The following BRIP1 variants were observed in gnomAD, a reference collection of about 807,000 sequenced individuals.
BRIP1 encodes BRCA1 interacting DNA helicase 1.
In BRIP1, 88 loss-of-function variants were observed where a neutral mutation model predicts 119.7. That is an observed-to-expected ratio of 0.74 (90% CI 0.62 to 0.88). BRIP1 has a LOEUF of 0.88. Among genes scored for constraint, BRIP1 ranks in the 40% least tolerant of loss-of-function variants. The probability of loss-of-function intolerance (pLI) is 0.00; values close to 1 mark genes in which losing one functional copy is unlikely to be tolerated. For missense variants in BRIP1, 1,259 were observed against 1,455.4 expected, an observed-to-expected ratio of 0.87 and a Z score of 2.20; for synonymous variants, 443 against 496.5, an observed-to-expected ratio of 0.89 and a Z score of 1.43.
rs2145265330 is a variant in BRIP1, at chr17:61,795,781, T to C, written c.1341-2052A>G. On this transcript the variant is annotated intron_variant, in intron 9 of 19. Coordinates refer to ENST00000259008, the MANE Select transcript of BRIP1 (RefSeq NM_032043.3). The surrounding 1 kb of genome is among the most constrained non-coding windows in gnomAD (Gnocchi z 5.6). ...TTTGGGTATATATCTAGCAGTGGGATTGCTGGATCGTTTGGTAGCTCTATT... is the reference window on the plus strand; with the variant it reads ...TTTGGGTATATATCTAGCAGTGGGACTGCTGGATCGTTTGGTAGCTCTATT... 6.6e-6 allele frequency among the ~76,000 whole-genome samples: 1 copy of C among 152,272 alleles called. No homozygotes were observed. Among genetic ancestry groups the C allele is most frequent in the East Asian group, 1.9e-4 (1 of 5,188 alleles).
At position 61,846,982 on chromosome 17, in the gene BRIP1, C is replaced by T; in HGVS notation, c.627+119G>A. On this transcript the variant is annotated intron_variant, in intron 6 of 19. Coordinates refer to ENST00000259008, the MANE Select transcript of BRIP1 (RefSeq NM_032043.3). This position sits in a 1 kb window ranked among gnomAD's most constrained non-coding sequence, Gnocchi z 4.3. ...AACAGAGATGTGACAGCATTGAGGA[C>T]TTCTGAGTGGGTTGCTACTGTCCTT... is the stretch of plus-strand genomic sequence containing the variant. The T allele has an allele frequency of 2.4e-6, 3 of 1,248,790 alleles. No homozygotes were observed. The highest frequency in any genetic ancestry group is 3.4e-6 in the Non-Finnish European group (3 of 873,596). The allele number at this position is 1,248,790 out of a possible 1,614,324, so 77.4% of individuals were successfully genotyped here.
intron 6 of BRIP1, among the ~76,000 whole-genome samples, chr17:61,840,184 C>T (rs561449805): frequency 6.0e-4 from 91 of 152,044 alleles, no homozygotes; most frequent in Admixed American, 1.0e-3. Context: ...CATGGTGAAG[C>T]CTCATCTTTA....
intron 17 of BRIP1, among the ~76,000 whole-genome samples, chr17:61,694,164 A>G (rs2061490547): frequency 6.6e-6 from 1 of 152,162 alleles, no homozygotes; most frequent in Admixed American, 6.5e-5. Flanking sequence ...ACAAGGCTGT[A>G]TAACCTATAC....
At chr17:61,790,396 A>G (rs1428937190) in intron 10 of BRIP1, among the ~76,000 whole-genome samples, 3 of 151,948 alleles carry the variant, frequency 2.0e-5, no homozygotes, top group Non-Finnish European at 2.9e-5. Flanking sequence ...AATACAAAAA[A>G]TTAGCCAGGT....
chr17:61,739,915 A>G lies in BRIP1; in HGVS notation c.2379+3098T>C, dbSNP rs116977795. 5.0e-3 allele frequency among the ~76,000 whole-genome samples: 768 copies of G among 152,326 alleles called. 4 individuals carry two copies. The highest frequency in any genetic ancestry group is 0.01 in the Middle Eastern group (3 of 294). ...TATATTGTTTAGGAAACAGTCAGTGATAATGAGATACAACTGTTTCTGGCC... is the reference window on the plus strand; with the variant it reads ...TATATTGTTTAGGAAACAGTCAGTGGTAATGAGATACAACTGTTTCTGGCC... On this transcript the variant is annotated intron_variant, in intron 16 of 19. Transcript: ENST00000259008. The surrounding 1 kb of genome is among the most constrained non-coding windows in gnomAD (Gnocchi z 6.0).
intron 18 of BRIP1, among the ~76,000 whole-genome samples, chr17:61,692,272 A>C (rs1385793641): frequency 6.6e-6 from 1 of 152,264 alleles, no homozygotes; most frequent in East Asian, 1.9e-4. Flanking sequence ...ATATGACACC[A>C]AAAACACAGG....
At position 61,720,544 on chromosome 17, in the gene BRIP1, T is replaced by C. The variant is rs1283117229; in HGVS notation, c.2380-4481A>G. 6.6e-6 allele frequency among the ~76,000 whole-genome samples: 1 copy of C among 152,172 alleles called. No individual in the cohort carries two copies. The highest frequency in any genetic ancestry group is 1.5e-5 in the Non-Finnish European group (1 of 68,036). ...GGTCCAAAAATATTAAATAAAAAAT[T>C]CCAGAAATAATTTATGTTTTAAATT... On this transcript the variant is annotated intron_variant, in intron 16 of 19. Coordinates refer to ENST00000259008, the MANE Select transcript of BRIP1 (RefSeq NM_032043.3). This position sits in a 1 kb window ranked among gnomAD's most constrained non-coding sequence, Gnocchi z 4.3.
rs774897851 is a variant in BRIP1, at chr17:61,686,193, A to T, written c.2576-28T>A. ...AAAGAAAAAGGTAAACCCAGGGAAA[A>T]TTTGGTTACTTAGTTATTAAAATAT... On this transcript the variant is annotated intron_variant, in intron 18 of 19. Coordinates refer to ENST00000259008, the MANE Select transcript of BRIP1 (RefSeq NM_032043.3). This position sits in a 1 kb window ranked among gnomAD's most constrained non-coding sequence, Gnocchi z 5.4. 7.5e-6 allele frequency: 12 copies of T among 1,604,368 alleles called. No homozygotes were observed. In the Admixed American group the frequency reaches 1.7e-4, roughly 22 times the overall value.
intron 7 of BRIP1, among the ~76,000 whole-genome samples, chr17:61,801,902 G>C (rs143308262): frequency 1.3e-3 from 203 of 152,012 alleles, no homozygotes; most frequent in African/African-American, 4.5e-3. Flanking sequence ...AGACCCTTTT[G>C]TACCTTTTCA....
rs1056052657 is a variant in BRIP1, at chr17:61,841,631, G to T, written c.627+5470C>A. On this transcript the variant is annotated intron_variant, in intron 6 of 19. Transcript: ENST00000259008. This position sits in a 1 kb window ranked among gnomAD's most constrained non-coding sequence, Gnocchi z 4.1. ...ATTAGTACAGACATTACGGAAAACA[G>T]CAATGGAGGCTTCTCAAAAACCTAA... Among the ~76,000 whole-genome samples, 5 of 152,140 alleles carry T rather than the reference G, an allele frequency of 3.3e-5. No homozygotes were observed. Among genetic ancestry groups the T allele is most frequent in the African/African-American group, 1.2e-4 (5 of 41,446 alleles).
At chr17:61,854,140 A>C (rs922210959) in intron 4 of BRIP1, among the ~76,000 whole-genome samples, 3 of 152,114 alleles carry the variant, frequency 2.0e-5, no homozygotes, top group Admixed American at 2.0e-4. Context: ...GTGGTGGTGC[A>C]TGCCAGTAGT....
At position 61,842,367 on chromosome 17, in the gene BRIP1, T is replaced by C. The variant is rs1317139499; in HGVS notation, c.627+4734A>G. Among the ~76,000 whole-genome samples, 2 of 152,164 alleles carry C rather than the reference T, an allele frequency of 1.3e-5. No individual in the cohort carries two copies. Among genetic ancestry groups the C allele is most frequent in the African/African-American group, 4.8e-5 (2 of 41,432 alleles). The stretch of plus-strand genomic sequence containing the variant: ...GAGAAACAGGAGGAATAAGTTCTGG[T>C]ATTCTATAGCACTCTAGGGTAAATA... On this transcript the variant is annotated intron_variant, in intron 6 of 19. Coordinates refer to ENST00000259008, the MANE Select transcript of BRIP1 (RefSeq NM_032043.3). The surrounding 1 kb of genome is among the most constrained non-coding windows in gnomAD (Gnocchi z 5.1).
In BRIP1 at chr17:61,684,897, C is replaced by CAGCT. The variant is rs2061338230; in HGVS notation, c.2906-761_2906-758dup. 6.6e-6 allele frequency: 1 copy of CAGCT among 152,150 alleles called. No individual in the cohort carries two copies. The highest frequency in any genetic ancestry group is 6.5e-5 in the Admixed American group (1 of 15,268). The allele number at this position is 152,150 out of a possible 1,614,324, so 9.4% of individuals were successfully genotyped here. On this transcript the variant is annotated intron_variant, in intron 19 of 19. Coordinates refer to ENST00000259008, the MANE Select transcript of BRIP1 (RefSeq NM_032043.3). This position sits in a 1 kb window ranked among gnomAD's most constrained non-coding sequence, Gnocchi z 4.5. ...CCTCCTGAGTAGCTGGGATTACAGA[C>CAGCT]AGCTGCCTCCACACCCAGCTAATTT... is the stretch of plus-strand genomic sequence containing the variant.
In BRIP1 at chr17:61,809,773, T is replaced by C. The variant is rs1334711089; in HGVS notation, c.628-1016A>G. 6.6e-6 allele frequency among the ~76,000 whole-genome samples: 1 copy of C among 152,162 alleles called. No homozygotes were observed. Among genetic ancestry groups the C allele is most frequent in the African/African-American group, 2.4e-5 (1 of 41,450 alleles). On this transcript the variant is annotated intron_variant, in intron 6 of 19. Coordinates refer to ENST00000259008, the MANE Select transcript of BRIP1 (RefSeq NM_032043.3). The surrounding 1 kb of genome is among the most constrained non-coding windows in gnomAD (Gnocchi z 5.2). ...AATAGCATTGTAACTTAAAAGACTG[T>C]GTGCTAAAGAGTTTTAATTTAGTAG... is the stretch of plus-strand genomic sequence containing the variant.
chr17:61,693,017 CATAAA>C lies in BRIP1; in HGVS notation c.2575+408_2575+412del, dbSNP rs1209733170. Among the ~76,000 whole-genome samples, 1 of 151,962 alleles carries C rather than the reference CATAAA, an allele frequency of 6.6e-6. No homozygotes were observed. The highest frequency in any genetic ancestry group is 1.5e-5 in the Non-Finnish European group (1 of 67,978). ...TAAAGAAAATATGGTATAATGTATA[CATAAA>C]ATAAAATATTAAGCAGTCATTGAAA... On this transcript the variant is annotated intron_variant, in intron 18 of 19. Transcript: ENST00000259008. This position sits in a 1 kb window ranked among gnomAD's most constrained non-coding sequence, Gnocchi z 4.2.
chr17:61,858,161 C>T (rs1603366944), intron 3 of BRIP1, among the ~76,000 whole-genome samples: 1 of 152,126 alleles, frequency 6.6e-6, no homozygotes, highest in African/African-American at 2.4e-5. Context: ...TACAAATGTA[C>T]AATTCATATA....
Position 61,793,687 on chromosome 17 carries a change from A to C in BRIP1, c.1383T>G (p.Tyr461Ter), listed in dbSNP as rs587780875. ...CACTCCATATTTTACAAGCTGATTC[A>C]TAATCTCTTTCTACAAGATATTCAG... ...ANAEYLVERD[Y>*]ESACKIWSGN... Residue 461 changes from tyrosine to a stop codon, truncating the protein, a stop_gained, in exon 10 of 20, where the codon TAT (tyrosine) becomes TAG (stop). Transcript: ENST00000259008. LOFTEE classifies it high-confidence loss of function. This position sits in a 1 kb window ranked among gnomAD's most constrained non-coding sequence, Gnocchi z 5.2. 1.2e-6 allele frequency: 2 copies of C among 1,610,654 alleles called. No individual in the cohort carries two copies. Among genetic ancestry groups the C allele is most frequent in the Non-Finnish European group, 1.7e-6 (2 of 1,178,340 alleles).
chr17:61,697,480 A>G (rs2061547221), intron 17 of BRIP1, among the ~76,000 whole-genome samples: 1 of 149,410 alleles, frequency 6.7e-6, no homozygotes, highest in Non-Finnish European at 1.5e-5. Context: ...GTATTCTCTT[A>G]TAATCCTTTG....
rs1050947236 is a variant in BRIP1, at chr17:61,705,582, T to C, written c.2492+10369A>G. ...TATACTTGTTTTTATTACTCCTTTTTTTCCTGTTTGCCTCACATTTATTTA... is the reference window on the plus strand; with the variant it reads ...TATACTTGTTTTTATTACTCCTTTTCTTCCTGTTTGCCTCACATTTATTTA... On this transcript the variant is annotated intron_variant, in intron 17 of 19. Coordinates refer to ENST00000259008, the MANE Select transcript of BRIP1 (RefSeq NM_032043.3). This position sits in a 1 kb window ranked among gnomAD's most constrained non-coding sequence, Gnocchi z 5.0. Among the ~76,000 whole-genome samples the C allele has an allele frequency of 5.3e-5, 8 of 152,160 alleles. No homozygotes were observed. Among genetic ancestry groups the C allele is most frequent in the African/African-American group, 1.9e-4 (8 of 41,436 alleles).
Sources: allele counts gnomAD v4.1 joint callset (sites outside exome capture counted in the v4.1 genomes callset), GRCh38; gene constraint gnomAD v4.1.1; non-coding constraint Gnocchi (gnomAD v3.1); transcripts MANE v1.5; gene names NCBI Gene and HGNC (gene_info 2026-07-23, HGNC 2026-07-21).